The following ANKRD20A1 variants were observed in gnomAD, a reference collection of about 807,000 sequenced individuals.
ANKRD20A1 encodes ankyrin repeat domain-containing protein 20A1.
Under a neutral mutation model 50.9 loss-of-function variants are expected in ANKRD20A1, and 2 were observed. The observed-to-expected ratio is 0.04, with a 90% CI of 0.02 to 0.12. The LOEUF is 0.12. Ranked by LOEUF, ANKRD20A1 falls within the 10% of genes least tolerant of loss-of-function variation. ANKRD20A1 has a pLI of 1.00. For synonymous variants in ANKRD20A1, 10 were observed against 186.2 expected (o/e 0.05, Z 7.70); for missense variants, 31 against 548.1 (o/e 0.06, Z 9.42).
intron 8 of ANKRD20A1, among the ~76,000 whole-genome samples, chr9:67,881,538 C>G (rs1352911044): frequency 6.6e-6 from 1 of 151,846 alleles, no homozygotes; most frequent in Non-Finnish European, 1.5e-5. Flanking sequence ...AGGCCGAGGT[C>G]GGTAGATCAC....
At chr9:67,882,194 C>T (rs1465926308) in intron 8 of ANKRD20A1, among the ~76,000 whole-genome samples, 1 of 150,202 alleles carries the variant, frequency 6.7e-6, no homozygotes, top group African/African-American at 2.4e-5. Flanking sequence ...GCCTTGTTGC[C>T]CAGGCTGGTC....
rs1439140112 is a variant in ANKRD20A1 at position 67,881,650 on chromosome 9, C to T, written c.894+1105C>T. Among the ~76,000 whole-genome samples the T allele has an allele frequency of 3.9e-5, 6 of 152,276 alleles. No homozygotes were observed. In the East Asian group the frequency reaches 1.2e-3, roughly 29 times the overall value. The stretch of plus-strand genomic sequence containing the variant: ...AACAAAACAAAAGCAGAAAAATTAA[C>T]CAGGCGTGATGGTGCATGCCTGTAA... On this transcript the variant is annotated intron_variant, in intron 8 of 14. Coordinates refer to ENST00000562196, the MANE Select transcript of ANKRD20A1 (RefSeq NM_032250.5).
intron 8 of ANKRD20A1, among the ~76,000 whole-genome samples, chr9:67,882,272 T>C (rs1215023967): frequency 6.6e-6 from 1 of 151,610 alleles, no homozygotes; most frequent in East Asian, 2.0e-4. Context: ...AGGCATAAGA[T>C]ATTCAGCCTT....
At chr9:67,872,240 C>T (rs549639232) in intron 6 of ANKRD20A1, among the ~76,000 whole-genome samples, 2,175 of 111,616 alleles carry the variant, frequency 0.019, 95 homozygotes, top group Non-Finnish European at 0.036. Flanking sequence ...AAGACAGCTA[C>T]TGAGCACAGG....
chr9:67,899,067 A>G lies in ANKRD20A1; in HGVS notation c.1317-80A>G. 2 of 650,020 alleles carry G rather than the reference A, an allele frequency of 3.1e-6. 1 individual carries two copies. The highest frequency in any genetic ancestry group is 4.1e-6 in the Non-Finnish European group (2 of 493,216). The allele number at this position is 650,020 out of a possible 1,614,324, so 40.3% of individuals were successfully genotyped here. On this transcript the variant is annotated intron_variant, in intron 13 of 14. Coordinates refer to ENST00000562196, the MANE Select transcript of ANKRD20A1 (RefSeq NM_032250.5). ...AGAAATTTTATTAGGATAATAAACAACATCTGCAGAGGTAGGTAACAGGAT... is the reference window on the plus strand; with the variant it reads ...AGAAATTTTATTAGGATAATAAACAGCATCTGCAGAGGTAGGTAACAGGAT...
At chr9:67,873,117 TC>T (rs1827678003) in intron 6 of ANKRD20A1, among the ~76,000 whole-genome samples, 1 of 135,920 alleles carries the variant, frequency 7.4e-6, no homozygotes, top group East Asian at 2.2e-4. Flanking sequence ...GTCTGGAACT[TC>T]CGGGCTCAAG....
chr9:67,859,373 G>A lies in ANKRD20A1; in HGVS notation c.-54G>A, dbSNP rs1587593344. On this transcript the variant is annotated 5_prime_UTR_variant, in exon 1 of 15. Coordinates refer to ENST00000562196, the MANE Select transcript of ANKRD20A1 (RefSeq NM_032250.5). ...AGGGGGGTGGTGAAAAGGTGACAGG[G>A]AGCTGCCCCCGCTCAAGAGCCGGTG... 1.0e-5 allele frequency: 6 copies of A among 590,624 alleles called. 2 individuals are homozygous for A. The East Asian group carries it at 2.7e-4, about 26-fold the overall frequency. 36.6% of individuals were successfully genotyped at this position (590,624 alleles called of 1,614,324 possible).
chr9:67,878,926 A>G lies in ANKRD20A1; in HGVS notation c.824+1136A>G. On this transcript the variant is annotated intron_variant, in intron 7 of 14. Transcript: ENST00000562196. ...AAGAATGGAATGAGCAGGGAAGTCCAAGTTTGAAGATAAACAACACTGGAT... is the reference window on the plus strand; with the variant it reads ...AAGAATGGAATGAGCAGGGAAGTCCGAGTTTGAAGATAAACAACACTGGAT... Among the ~76,000 whole-genome samples the G allele has an allele frequency of 3.5e-5, 2 of 57,210 alleles. 1 individual carries two copies. The highest frequency in any genetic ancestry group is 1.1e-4 in the Non-Finnish European group (2 of 18,788). The allele number at this position is 57,210 out of a possible 152,430, so 37.5% of individuals were successfully genotyped here. A position where few individuals can be genotyped will look rare whatever the true frequency, so the allele number is the denominator to read the frequency against.
chr9:67,891,022 G>A (rs1273266045), intron 11 of ANKRD20A1, among the ~76,000 whole-genome samples: 3 of 85,240 alleles, frequency 3.5e-5, no homozygotes, highest in Non-Finnish European at 7.4e-5. Context: ...GTGGCTGGGC[G>A]CGGTGGCTCG....
intron 8 of ANKRD20A1, among the ~76,000 whole-genome samples, chr9:67,881,610 C>A (rs1183150474): frequency 6.6e-6 from 1 of 151,438 alleles, no homozygotes; most frequent in Non-Finnish European, 1.5e-5. Context: ...CTAAAAAAAA[C>A]CAAAACCAAA....
intron 8 of ANKRD20A1, among the ~76,000 whole-genome samples, chr9:67,884,186 C>T (rs62542460): frequency 0.012 from 1,730 of 142,024 alleles, 1 homozygote; most frequent in Middle Eastern, 0.022. Flanking sequence ...TTTACTTGAG[C>T]CCAGGAGTTT....
At position 67,867,617 on chromosome 9, in the gene ANKRD20A1, G is replaced by A. The variant is rs370040836; in HGVS notation, c.599+234G>A. On this transcript the variant is annotated intron_variant, in intron 4 of 14. Coordinates refer to ENST00000562196, the MANE Select transcript of ANKRD20A1 (RefSeq NM_032250.5). The stretch of plus-strand genomic sequence containing the variant: ...TGGTATTTATAATCAGATGTTTTTG[G>A]TACTGTAATCTTTTATTAGCTAAAG... Among the ~76,000 whole-genome samples the A allele has an allele frequency of 1.9e-3, 288 of 152,254 alleles. No homozygotes were observed. The South Asian group carries it at 0.025, about 13-fold the overall frequency.
chr9:67,897,388 A>T (rs1478661873), intron 12 of ANKRD20A1, among the ~76,000 whole-genome samples, 171 bp from the exon 13 acceptor site: 3 of 146,224 alleles, frequency 2.1e-5, no homozygotes, highest in African/African-American at 7.8e-5. Flanking sequence ...TGATAAAATA[A>T]GAGTATCTTA....
chr9:67,858,982 G>T lies in ANKRD20A1; in HGVS notation c.-445G>T. 7.0e-5 allele frequency among the ~76,000 whole-genome samples: 2 copies of T among 28,444 alleles called. 1 individual carries two copies. The highest frequency in any genetic ancestry group is 5.5e-4 in the Admixed American group (2 of 3,624). 18.7% of individuals were successfully genotyped at this position (28,444 alleles called of 152,430 possible). On this transcript the variant is annotated 5_prime_UTR_variant, in exon 1 of 15. Coordinates refer to ENST00000562196, the MANE Select transcript of ANKRD20A1 (RefSeq NM_032250.5). ...CGCCTGCGATCCTGGGGCCGCCCGG[G>T]CGATCCCAGGAGAACCGGCGAGCCC...
chr9:67,883,104 C>T (rs1360916016), intron 8 of ANKRD20A1, among the ~76,000 whole-genome samples: 1 of 151,292 alleles, frequency 6.6e-6, no homozygotes, highest in Non-Finnish European at 1.5e-5. Context: ...CATACGTGTG[C>T]ATGTGTCTTT....
intron 8 of ANKRD20A1, among the ~76,000 whole-genome samples, chr9:67,881,036 T>C (rs1458698924): frequency 6.9e-6 from 1 of 145,234 alleles, no homozygotes; most frequent in East Asian, 2.2e-4. Context: ...TGGAAACTTA[T>C]TATTTTGGTA....
intron 8 of ANKRD20A1, among the ~76,000 whole-genome samples, chr9:67,881,691 A>G (rs1827799544): frequency 6.6e-6 from 1 of 152,156 alleles, no homozygotes; most frequent in South Asian, 2.1e-4. Flanking sequence ...GCTGCTCAGG[A>G]GGCCAAGGTG....
At chr9:67,897,844 T>G (rs1417064669) in intron 13 of ANKRD20A1, 122 bp downstream of exon 13, 5 of 318,622 alleles carry the variant, frequency 1.6e-5, no homozygotes, top group Non-Finnish European at 2.6e-5. Context: ...TGGTGTGATC[T>G]CAGCTCACTG....
intron 8 of ANKRD20A1, among the ~76,000 whole-genome samples, chr9:67,881,605 A>C (rs553170494): frequency 3.6e-3 from 542 of 151,422 alleles, no homozygotes; most frequent in Non-Finnish European, 5.9e-3. Context: ...TGTCTCTAAA[A>C]AAAACCAAAA....
Sources: allele counts gnomAD v4.1 joint callset (sites outside exome capture counted in the v4.1 genomes callset), GRCh38; gene constraint gnomAD v4.1.1; transcripts MANE v1.5; gene names NCBI Gene and HGNC (gene_info 2026-07-23, HGNC 2026-07-21).